ETV1: variants seen among roughly 807,000 people sequenced by gnomAD.
ETV1 encodes the protein ETS translocation variant 1.
A neutral mutation model predicts 62.3 loss-of-function variants in ETV1; 27 were observed. The ratio of observed to expected loss-of-function variants is 0.43; its 90% CI spans 0.32 to 0.60. ETV1 has a LOEUF of 0.60. Ranked by LOEUF, ETV1 falls within the 20% of genes least tolerant of loss-of-function variation. The probability of loss-of-function intolerance (pLI) is 0.06; values close to 1 mark genes in which losing one functional copy is unlikely to be tolerated. For missense variants in ETV1, 605 were observed against 605.8 expected, an observed-to-expected ratio of 1.00 and a Z score of 0.01; for synonymous variants, 222 against 199.6, an observed-to-expected ratio of 1.11 and a Z score of -0.94.
At chr7:13,928,629 G>A (rs552914166) in intron 9 of ETV1, among the ~76,000 whole-genome samples, 147 of 150,828 alleles carry the variant, frequency 9.7e-4, no homozygotes, top group African/African-American at 3.2e-3. Flanking sequence ...AAAGAGAAGA[G>A]TTTCAGTGTG....
chr7:13,988,725 GTGCAGCAGC>G (rs1326988865), intron 3 of ETV1: 1 of 1,612,278 alleles, frequency 6.2e-7, no homozygotes, highest in African/African-American at 1.3e-5. Flanking sequence ...AAAACTTTGA[GTGCAGCAGC>G]TGCTGCTGCC....
At chr7:13,950,408 C>T (rs78484898) in intron 6 of ETV1, among the ~76,000 whole-genome samples, 2,874 of 152,102 alleles carry the variant, frequency 0.019, 93 homozygotes, top group African/African-American at 0.066. Context: ...CTACCAGTAA[C>T]AGTAACTTCA....
chr7:13,977,587 AC>A, intron 5 of ETV1, 107 bp from the exon 6 acceptor site: 1 of 739,442 alleles, frequency 1.4e-6, no homozygotes, highest in South Asian at 1.8e-5. Context: ...CTGAGATCAA[AC>A]CTATGATTAT....
chr7:13,953,144 G>C (rs150745910), intron 6 of ETV1, among the ~76,000 whole-genome samples: 84 of 152,266 alleles, frequency 5.5e-4, no homozygotes, highest in African/African-American at 1.8e-3. Flanking sequence ...ATTCTGTACA[G>C]GGAGCCCAAA....
chr7:13,986,822 G>A (rs1479415317), intron 4 of ETV1, 137 bp from the exon 5 acceptor site: 2 of 666,870 alleles, frequency 3.0e-6, no homozygotes, highest in Non-Finnish European at 5.1e-6. Context: ...ATAAAAAAAA[G>A]AGGCATAACT....
At chr7:13,942,745 A>T (rs1346536383) in intron 6 of ETV1, among the ~76,000 whole-genome samples, 2 of 152,220 alleles carry the variant, frequency 1.3e-5, no homozygotes, top group Non-Finnish European at 2.9e-5. Flanking sequence ...GTAACAAATC[A>T]TATTATACTT....
intron 6 of ETV1, among the ~76,000 whole-genome samples, chr7:13,975,728 C>T (rs1043271773): frequency 1.3e-5 from 2 of 151,464 alleles, no homozygotes; most frequent in Admixed American, 6.6e-5. Context: ...AAGAAAATCA[C>T]GCCAGTGTGA....
intron 6 of ETV1, among the ~76,000 whole-genome samples, chr7:13,950,369 T>C (rs996424572): frequency 2.0e-5 from 3 of 150,298 alleles, no homozygotes; most frequent in African/African-American, 7.3e-5. Context: ...TGTGTGTGTA[T>C]GAGAGAGAGA....
Position 13,986,055 on chromosome 7 carries a change from A to G in ETV1, c.181+583T>C, listed in dbSNP as rs369196576. 55 of 1,305,882 alleles carry G rather than the reference A, an allele frequency of 4.2e-5. No individual in the cohort carries two copies. In the African/African-American group the frequency reaches 7.2e-4, roughly 17 times the overall value. 80.9% of individuals were successfully genotyped at this position (1,305,882 alleles called of 1,614,324 possible). A position where few individuals can be genotyped will look rare whatever the true frequency, so the allele number is the denominator to read the frequency against. On this transcript the variant is annotated intron_variant, in intron 5 of 13. Transcript: ENST00000430479. ...ATAGTAACACATGGAAAACATTTTT[A>G]AAATCCTCATATCTCCCATTTATTT... is the stretch of plus-strand genomic sequence containing the variant.
intron 9 of ETV1, among the ~76,000 whole-genome samples, chr7:13,921,278 TG>T (rs1389652565): frequency 4.6e-5 from 7 of 152,166 alleles, no homozygotes; most frequent in African/African-American, 1.7e-4. Flanking sequence ...CCAAAGTTCA[TG>T]GAATCATAAT....
At chr7:13,940,746 T>C (rs1243711936) in intron 6 of ETV1, among the ~76,000 whole-genome samples, 2 of 152,236 alleles carry the variant, frequency 1.3e-5, no homozygotes, top group Non-Finnish European at 2.9e-5. Context: ...TACAGAATTA[T>C]AAACTTGCAT....
intron 6 of ETV1, among the ~76,000 whole-genome samples, chr7:13,957,027 G>T (rs1015418491): frequency 6.6e-6 from 1 of 151,906 alleles, no homozygotes; most frequent in African/African-American, 2.4e-5. Context: ...TTTTTAAAAC[G>T]TCAAACTATA....
At chr7:13,905,323 T>C (rs924455900) in intron 12 of ETV1, among the ~76,000 whole-genome samples, 3 of 152,164 alleles carry the variant, frequency 2.0e-5, no homozygotes, top group Non-Finnish European at 4.4e-5. Context: ...TCAAACATTT[T>C]TTAAACTTAC....
chr7:13,918,428 C>G (rs891773873), intron 9 of ETV1, among the ~76,000 whole-genome samples: 1 of 152,150 alleles, frequency 6.6e-6, no homozygotes, highest in Admixed American at 6.5e-5. Context: ...GACACATGCA[C>G]AAGTATGTTT....
chr7:13,968,235 T>A (rs1780508509), intron 6 of ETV1, among the ~76,000 whole-genome samples: 1 of 151,850 alleles, frequency 6.6e-6, no homozygotes, highest in Admixed American at 6.6e-5. Flanking sequence ...CTACAATATA[T>A]TGTTATATTA....
At chr7:13,985,476 A>C (rs1034227222) in intron 5 of ETV1, 2 of 152,162 alleles carry the variant, frequency 1.3e-5, no homozygotes, top group African/African-American at 4.8e-5. Context: ...AAAACAAAGA[A>C]ACTTATTTTA....
chr7:13,924,664 A>G (rs934008790), intron 9 of ETV1, among the ~76,000 whole-genome samples: 2 of 152,202 alleles, frequency 1.3e-5, no homozygotes, highest in Non-Finnish European at 2.9e-5. Flanking sequence ...CTGAACAATT[A>G]TGTAGAAAGA....
chr7:13,947,347 A>C (rs1788281260), intron 6 of ETV1, among the ~76,000 whole-genome samples: 1 of 151,760 alleles, frequency 6.6e-6, no homozygotes, highest in East Asian at 1.9e-4. Flanking sequence ...TTGGAATTCT[A>C]ATAGAAAATA....
At chr7:13,912,346 C>T (rs1473254974) in intron 9 of ETV1, among the ~76,000 whole-genome samples, 2 of 152,090 alleles carry the variant, frequency 1.3e-5, no homozygotes, top group Non-Finnish European at 2.9e-5. Flanking sequence ...ATTAGCATAA[C>T]CCTGGAAAAC....
Sources: gnomAD v4.1 joint callset for allele counts (sites outside exome capture counted in the v4.1 genomes callset) on GRCh38, gnomAD v4.1.1 for gene constraint, MANE v1.5 for transcripts, NCBI Gene and HGNC (gene_info 2026-07-23, HGNC 2026-07-21) for gene names.